Variants in TTC6 observed in about 807,000 individuals in gnomAD.
The protein encoded by TTC6 is tetratricopeptide repeat domain 6.
In TTC6, 172 loss-of-function variants were observed where a neutral mutation model predicts 210.4. The observed-to-expected ratio is 0.82, with a 90% confidence interval of 0.72 to 0.93. The LOEUF (loss-of-function observed/expected upper bound fraction) is 0.93, where lower values mean the gene tolerates loss of function less well. TTC6 is among the 40% of genes least tolerant of loss of function. The pLI, the probability that TTC6 is intolerant of heterozygous loss-of-function variation, is 0.00. For synonymous variants in TTC6, 804 were observed against 819.6 expected (o/e 0.98, Z 0.32); for missense variants, 2,414 against 2,318.1 (o/e 1.04, Z -0.85).
At chr14:37,676,440 C>T (rs941745908) in intron 1 of TTC6, among the ~76,000 whole-genome samples, 1 of 152,088 alleles carries the variant, frequency 6.6e-6, no homozygotes, top group African/African-American at 2.4e-5. Context: ...ACTTCTAAGA[C>T]TTCCTTATAT....
At chr14:37,599,665 C>T (rs1030760702) in intron 1 of TTC6, among the ~76,000 whole-genome samples, 4 of 152,170 alleles carry the variant, frequency 2.6e-5, no homozygotes, top group Non-Finnish European at 4.4e-5. Flanking sequence ...TCCCTCTGGC[C>T]ACGGGAGAGC....
At chr14:37,841,222 A>G (rs2096209355) in intron 29 of TTC6, among the ~76,000 whole-genome samples, 1 of 152,182 alleles carries the variant, frequency 6.6e-6, no homozygotes, top group Non-Finnish European at 1.5e-5. Flanking sequence ...GACATTGTCT[A>G]GAATTGCTGA....
intron 29 of TTC6, among the ~76,000 whole-genome samples, chr14:37,831,576 C>T (rs567805841): frequency 3.8e-4 from 58 of 150,778 alleles, no homozygotes; most frequent in Non-Finnish European, 6.5e-4. Context: ...TCTTGCCAGA[C>T]GTTTTTTTTG....
intron 21 of TTC6, among the ~76,000 whole-genome samples, chr14:37,805,993 C>T (rs2096117727): frequency 6.6e-6 from 1 of 152,106 alleles, no homozygotes; most frequent in African/African-American, 2.4e-5. Flanking sequence ...AGCCACCATG[C>T]CTGGCCTGTT....
At chr14:37,756,759 T>C (rs2095968974) in intron 14 of TTC6, among the ~76,000 whole-genome samples, 1 of 152,214 alleles carries the variant, frequency 6.6e-6, no homozygotes, top group South Asian at 2.1e-4. Flanking sequence ...CAGTATTTTA[T>C]TGAGGATTTT....
chr14:37,767,773 T>G (rs1023850599), intron 14 of TTC6, among the ~76,000 whole-genome samples: 6 of 151,574 alleles, frequency 4.0e-5, no homozygotes, highest in African/African-American at 1.5e-4. Context: ...TGATGGTAGT[T>G]TCTTTTGCTG....
chr14:37,727,441 A>G (rs35351825), intron 7 of TTC6, among the ~76,000 whole-genome samples: 13,189 of 151,248 alleles, frequency 0.087, 643 homozygotes, highest in Middle Eastern at 0.14. Context: ...CTACAGGCGC[A>G]CACCACCATG....
chr14:37,638,300 G>T (rs1321202366), intron 1 of TTC6, among the ~76,000 whole-genome samples: 1 of 151,934 alleles, frequency 6.6e-6, no homozygotes, highest in Non-Finnish European at 1.5e-5. Flanking sequence ...TGCCGCCCAG[G>T]CTGGAATGCA....
At chr14:37,696,283 T>C (rs1187137356) in intron 3 of TTC6, among the ~76,000 whole-genome samples, 1 of 152,090 alleles carries the variant, frequency 6.6e-6, no homozygotes, top group African/African-American at 2.4e-5. Context: ...ACATGAGTGA[T>C]TACCATGAAT....
intron 20 of TTC6, among the ~76,000 whole-genome samples, chr14:37,800,443 G>T (rs1209643705): frequency 1.3e-5 from 2 of 152,130 alleles, no homozygotes; most frequent in Admixed American, 6.5e-5. Context: ...ACCAGGACTT[G>T]CTTATGAGGA....
At chr14:37,643,490 A>G (rs1463007692) in intron 1 of TTC6, among the ~76,000 whole-genome samples, 1 of 152,164 alleles carries the variant, frequency 6.6e-6, no homozygotes, top group Admixed American at 6.5e-5. Flanking sequence ...TTTGGATGTT[A>G]TTTAAGGAGG....
At chr14:37,714,235 A>G (rs919800464) in intron 5 of TTC6, among the ~76,000 whole-genome samples, 4 of 152,198 alleles carry the variant, frequency 2.6e-5, no homozygotes, top group African/African-American at 9.6e-5. Flanking sequence ...CTCAGCAAGA[A>G]GGGAGAACCA....
intron 24 of TTC6, among the ~76,000 whole-genome samples, chr14:37,809,823 C>CAA (rs2096126170): frequency 6.6e-6 from 1 of 152,178 alleles, no homozygotes; most frequent in South Asian, 2.1e-4. Flanking sequence ...GGTCCCTTTT[C>CAA]AATGAGGATT....
intron 20 of TTC6, among the ~76,000 whole-genome samples, chr14:37,797,531 A>C (rs190375091): frequency 1.3e-5 from 2 of 151,610 alleles, no homozygotes; most frequent in Admixed American, 1.3e-4. Flanking sequence ...TAAGATATAA[A>C]TTCTGTATAC....
chr14:37,617,564 T>C (rs181850733), upstream of TTC6, among the ~76,000 whole-genome samples: 251 of 152,140 alleles, frequency 1.6e-3, no homozygotes, highest in African/African-American at 5.8e-3. Context: ...TGCAGAAAAA[T>C]AGAAAAAAAA....
At position 37,701,545 on chromosome 14, in the gene TTC6, A is replaced by G. The variant is rs1401098474; in HGVS notation, c.1571+19A>G. On this transcript the variant is annotated intron_variant, in intron 5 of 30. Transcript: ENST00000553443. ...CAGATAGGTAAGAGTTCCACTGGTA[A>G]TTTGATTTTAAGCTAAATGTAAACT... 2 of 1,428,772 alleles carry G rather than the reference A, an allele frequency of 1.4e-6. No individual in the cohort carries two copies. Among genetic ancestry groups the G allele is most frequent in the African/African-American group, 1.4e-5 (1 of 69,222 alleles). The allele number at this position is 1,428,772 out of a possible 1,614,324, so 88.5% of individuals were successfully genotyped here.
chr14:37,835,060 T>C (rs2096194524), intron 29 of TTC6, among the ~76,000 whole-genome samples: 2 of 152,172 alleles, frequency 1.3e-5, no homozygotes. Context: ...CCTCAGGCCC[T>C]GAGGTAGCAC....
At chr14:37,699,827 T>TA (rs2095821496) in intron 4 of TTC6, among the ~76,000 whole-genome samples, 1 of 152,034 alleles carries the variant, frequency 6.6e-6, no homozygotes, top group Non-Finnish European at 1.5e-5. Flanking sequence ...ATATTAGAGG[T>TA]AAGATTTGGG....
rs574353737 is a variant in TTC6, at chr14:37,771,943, T to G, written c.3267-15525T>G. Among the ~76,000 whole-genome samples the G allele has an allele frequency of 5.1e-3, 776 of 152,296 alleles. 8 individuals carry two copies. Among genetic ancestry groups the G allele is most frequent in the African/African-American group, 0.018 (733 of 41,556 alleles). ...TCCCCATCTTTGTGGTTTTATCTAC[T>G]TTTGGTCTTTGATGATGGTGATGTA... On this transcript the variant is annotated intron_variant, in intron 14 of 30. Coordinates refer to ENST00000553443, the Ensembl canonical transcript of TTC6.
Sources: allele counts gnomAD v4.1 joint callset (sites outside exome capture counted in the v4.1 genomes callset), GRCh38; gene constraint gnomAD v4.1.1; transcripts MANE v1.5; gene names NCBI Gene and HGNC (gene_info 2026-07-23, HGNC 2026-07-21).